LGALS14: variants seen among roughly 807,000 people sequenced by gnomAD.
LGALS14 encodes the protein galectin 14.
Under a neutral mutation model 14.6 loss-of-function variants are expected in LGALS14, and 14 were observed. The observed-to-expected ratio is 0.96, with a 90% CI of 0.64 to 1.50. The LOEUF (loss-of-function observed/expected upper bound fraction) is 1.50, where lower values mean the gene tolerates loss of function less well. Among genes scored for constraint, LGALS14 ranks in the 40% most tolerant of loss-of-function variants. The pLI is 0.00. For synonymous variants in LGALS14, 57 were observed against 63.9 expected (o/e 0.89, Z 0.51); for missense variants, 180 against 172.0 (o/e 1.05, Z -0.26).
At chr19:39,706,149 T>C in intron 1 of LGALS14, 1 of 1,262,306 alleles carries the variant, frequency 7.9e-7, no homozygotes, top group South Asian at 1.5e-5. Flanking sequence ...GAGTTGAAAA[T>C]AAGGCAGGTC....
chr19:39,708,271 C>A (rs1235131199), intron 3 of LGALS14, among the ~76,000 whole-genome samples: 1 of 152,106 alleles, frequency 6.6e-6, no homozygotes, highest in Non-Finnish European at 1.5e-5. Context: ...ATCCACGGTG[C>A]CGCTTCAGTT....
chr19:39,706,728 C>T, intron 2 of LGALS14, 55 bp downstream of exon 2: 3 of 1,417,190 alleles, frequency 2.1e-6, no homozygotes, highest in Non-Finnish European at 3.0e-6. Context: ...AGAATATTTG[C>T]TAAGGGTTTA....
intron 2 of LGALS14, 137 bp downstream of exon 2, chr19:39,706,810 G>A (rs1973721101): frequency 3.9e-6 from 3 of 762,740 alleles, no homozygotes; most frequent in Non-Finnish European, 6.9e-6. Context: ...AGGCCCTGGA[G>A]ACCTTCCAGC....
Position 39,709,349 on chromosome 19 carries a change from C to G in LGALS14, c.*36C>G. 6.0e-6 allele frequency: 7 copies of G among 1,162,316 alleles called. No individual in the cohort carries two copies. Among genetic ancestry groups the G allele is most frequent in the Middle Eastern group, 2.0e-4 (1 of 5,082 alleles). 72.0% of individuals were successfully genotyped at this position (1,162,316 alleles called of 1,614,324 possible). A position where few individuals can be genotyped will look rare whatever the true frequency, so the allele number is the denominator to read the frequency against. ...CAGACTCCTCATTGTTGAGGAATCC[C>G]TCTTTCTACCTGACCATGGGATTCC... On this transcript the variant is annotated 3_prime_UTR_variant, in exon 4 of 4. Coordinates refer to ENST00000392052, the MANE Select transcript of LGALS14 (RefSeq NM_020129.3).
chr19:39,708,647 T>C (rs1362535424), intron 3 of LGALS14, among the ~76,000 whole-genome samples: 1 of 152,230 alleles, frequency 6.6e-6, no homozygotes, highest in East Asian at 1.9e-4. Flanking sequence ...GATCTTTTCC[T>C]AGGCTTAAAA....
At chr19:39,705,838 C>T (rs1035174385) in intron 1 of LGALS14, 52 of 1,594,640 alleles carry the variant, frequency 3.3e-5, no homozygotes, top group African/African-American at 4.0e-5. Context: ...GAGCAAGACC[C>T]TATCTCAAAA....
Position 39,707,438 on chromosome 19 carries a change from C to G in LGALS14, c.303+50C>G, listed in dbSNP as rs750486937. On this transcript the variant is annotated intron_variant, in intron 3 of 3. Transcript: ENST00000392052. Reference sequence around the variant, plus strand: ...GCTGGAGCTCTGTGGGCTCTTAGAGCAGGAGGCAGCTTTCATTGACCTGGT... The same window carrying G: ...GCTGGAGCTCTGTGGGCTCTTAGAGGAGGAGGCAGCTTTCATTGACCTGGT... 5 of 1,485,370 alleles carry G rather than the reference C, an allele frequency of 3.4e-6. No individual in the cohort carries two copies. The East Asian group carries it at 1.1e-4, about 34-fold the overall frequency. 92.0% of individuals were successfully genotyped at this position (1,485,370 alleles called of 1,614,324 possible).
At position 39,709,342 on chromosome 19, in the gene LGALS14, G is replaced by A. The variant is rs376251840; in HGVS notation, c.*29G>A. ...AGATGATCAGACTCCTCATTGTTGAGGAATCCCTCTTTCTACCTGACCATG... is the reference window on the plus strand; with the variant it reads ...AGATGATCAGACTCCTCATTGTTGAAGAATCCCTCTTTCTACCTGACCATG... On this transcript the variant is annotated 3_prime_UTR_variant, in exon 4 of 4. Transcript: ENST00000392052. The A allele has an allele frequency of 3.2e-5, 41 of 1,279,566 alleles. No homozygotes were observed. In the African/African-American group the frequency reaches 5.6e-4, roughly 17 times the overall value. The allele number at this position is 1,279,566 out of a possible 1,614,324, so 79.3% of individuals were successfully genotyped here.
At chr19:39,707,138 T>TG in intron 2 of LGALS14, 40 bp from the exon 3 acceptor site, 1 of 1,491,042 alleles carries the variant, frequency 6.7e-7, no homozygotes, top group Non-Finnish European at 9.4e-7. Context: ...GTCTGCACAA[T>TG]GGGGGGACCT....
At chr19:39,705,943 C>T (rs1355772479) in intron 1 of LGALS14, 1 of 1,613,892 alleles carries the variant, frequency 6.2e-7, no homozygotes, top group Admixed American at 1.7e-5. Flanking sequence ...TGTGCAAGTA[C>T]TGGGGCTGTG....
In LGALS14 at chr19:39,709,277, A is replaced by C. The variant is rs778287942; in HGVS notation, c.384A>C (p.Arg128Ser). 3.7e-6 allele frequency: 6 copies of C among 1,610,070 alleles called. No individual in the cohort carries two copies. The highest frequency in any genetic ancestry group is 5.1e-6 in the Non-Finnish European group (6 of 1,176,390). ...CTGTGAAGATGCTGCAAGTCTTCAG[A>C]GATATCTCCCTGACCAGAGTGCTTA... ...PASVKMLQVF[R>S]DISLTRVLIS... is the part of the protein sequence containing the mutation. Residue 128 changes from arginine (R) to serine (S), a missense_variant, in exon 4 of 4, where the codon AGA (arginine) becomes AGC (serine). Transcript: ENST00000392052.
chr19:39,708,302 G>A (rs1017396398), intron 3 of LGALS14, among the ~76,000 whole-genome samples: 15 of 152,086 alleles, frequency 9.9e-5, no homozygotes, highest in African/African-American at 3.6e-4. Context: ...ACATAATATT[G>A]CATTAAAAAG....
In LGALS14 at chr19:39,709,352, T is replaced by C; in HGVS notation, c.*39T>C. ...ACTCCTCATTGTTGAGGAATCCCTC[T>C]TTCTACCTGACCATGGGATTCCCAG... On this transcript the variant is annotated 3_prime_UTR_variant, in exon 4 of 4. Coordinates refer to ENST00000392052, the MANE Select transcript of LGALS14 (RefSeq NM_020129.3). 8.7e-7 allele frequency: 1 copy of C among 1,151,480 alleles called. No individual in the cohort carries two copies. Among genetic ancestry groups the C allele is most frequent in the Non-Finnish European group, 1.3e-6 (1 of 760,004 alleles). The allele number at this position is 1,151,480 out of a possible 1,614,324, so 71.3% of individuals were successfully genotyped here.
At chr19:39,706,472 G>C (rs62121663) in intron 1 of LGALS14, 125 bp from the exon 2 acceptor site, 12 of 711,610 alleles carry the variant, frequency 1.7e-5, no homozygotes, top group Non-Finnish European at 2.3e-5. Context: ...ACTGTGGTAG[G>C]GTGAAAGGGG....
At chr19:39,708,253 C>T (rs1223886168) in intron 3 of LGALS14, among the ~76,000 whole-genome samples, 2 of 152,198 alleles carry the variant, frequency 1.3e-5, no homozygotes, top group African/African-American at 4.8e-5. Context: ...ATCTTGAAGA[C>T]ATTATCAATC....
chr19:39,707,584 C>T (rs911493617), intron 3 of LGALS14, among the ~76,000 whole-genome samples, 196 bp downstream of exon 3: 2 of 152,152 alleles, frequency 1.3e-5, no homozygotes. Flanking sequence ...AGATCAAGGT[C>T]GGCTCACCTG....
intron 3 of LGALS14, among the ~76,000 whole-genome samples, chr19:39,708,708 C>G (rs1600836409): frequency 6.6e-6 from 1 of 151,908 alleles, no homozygotes; most frequent in South Asian, 2.1e-4. Context: ...TCCTTTAACT[C>G]TCTAAGAACC....
intron 3 of LGALS14, among the ~76,000 whole-genome samples, chr19:39,708,391 G>A (rs970730161): frequency 7.2e-5 from 11 of 151,894 alleles, no homozygotes; most frequent in Non-Finnish European, 5.9e-5. Flanking sequence ...AAATGATGCC[G>A]TATTAAGTTT....
intron 1 of LGALS14, chr19:39,705,985 A>T (rs1195263815): frequency 3.1e-6 from 5 of 1,613,898 alleles, no homozygotes; most frequent in Middle Eastern, 1.7e-4. Flanking sequence ...TCTGGGAAGG[A>T]CGTCCATTGC....
Sources: gnomAD v4.1 joint callset for allele counts (sites outside exome capture counted in the v4.1 genomes callset) on GRCh38, gnomAD v4.1.1 for gene constraint, MANE v1.5 for transcripts, NCBI Gene and HGNC (gene_info 2026-07-23, HGNC 2026-07-21) for gene names.